POMT1: variants seen among roughly 807,000 people sequenced by gnomAD.
POMT1 encodes the protein protein O-mannosyltransferase 1.
Under a neutral mutation model 101.6 loss-of-function variants are expected in POMT1, and 85 were observed. The ratio of observed to expected loss-of-function variants is 0.84; its 90% CI spans 0.70 to 1.00. The LOEUF (loss-of-function observed/expected upper bound fraction) is 1.00, where lower values mean the gene tolerates loss of function less well. Among genes scored for constraint, POMT1 ranks in the 50% least tolerant of loss-of-function variants. POMT1 has a pLI of 0.00. For synonymous variants in POMT1, 371 were observed against 383.0 expected (o/e 0.97, Z 0.37); for missense variants, 857 against 930.4 (o/e 0.92, Z 1.03).
At position 131,504,076 on chromosome 9, in the gene POMT1, CAGCCCGGCTG is replaced by C. The variant is rs1287195416; in HGVS notation, c.-30-112_-30-103del. 77 of 1,299,278 alleles carry C rather than the reference CAGCCCGGCTG, an allele frequency of 5.9e-5. No homozygotes were observed. In the East Asian group the frequency reaches 1.8e-3, roughly 30 times the overall value. 80.5% of individuals were successfully genotyped at this position (1,299,278 alleles called of 1,614,324 possible). On this transcript the variant is annotated intron_variant, in intron 1 of 19. Transcript: ENST00000402686. Reference sequence around the variant, plus strand: ...CTCCAGGAACTTCGGTCTTTCTCAGCAGCCCGGCTGTGCTGTGGTTCTCCTCGTGTGTCCG... The same window carrying C: ...CTCCAGGAACTTCGGTCTTTCTCAGCTGCTGTGGTTCTCCTCGTGTGTCCG...
chr9:131,513,485 A>G (rs1466759197), intron 12 of POMT1, among the ~76,000 whole-genome samples, 154 bp downstream of exon 12: 1 of 152,134 alleles, frequency 6.6e-6, no homozygotes, highest in Admixed American at 6.5e-5. Context: ...TGATGCCGGG[A>G]GGGGACCCAG....
At position 131,522,826 on chromosome 9, in the gene POMT1, C is replaced by T. The variant is rs1950222103; in HGVS notation, c.2004-106C>T. The T allele has an allele frequency of 8.1e-7, 1 of 1,232,042 alleles. No homozygotes were observed. The highest frequency in any genetic ancestry group is 1.5e-5 in the African/African-American group (1 of 66,600). 76.3% of individuals were successfully genotyped at this position (1,232,042 alleles called of 1,614,324 possible). A position where few individuals can be genotyped will look rare whatever the true frequency, so the allele number is the denominator to read the frequency against. ...GACACAGAAACCTGAAGGCAGAACC[C>T]CAGGCCTCGGGGGGTGACCGTGTGG... On this transcript the variant is annotated intron_variant, in intron 19 of 19. Transcript: ENST00000402686. The surrounding 1 kb of genome is among the most constrained non-coding windows in gnomAD (Gnocchi z 5.5).
At chr9:131,504,480 C>A in intron 2 of POMT1, 140 bp downstream of exon 2, 1 of 1,268,606 alleles carries the variant, frequency 7.9e-7, no homozygotes, top group Non-Finnish European at 1.1e-6. Flanking sequence ...GAGGAGAGAC[C>A]AGTCTGTCCC....
chr9:131,504,747 A>ATATGTGTGTGTGTGTGTGTG (rs56692415), intron 2 of POMT1, among the ~76,000 whole-genome samples: 3 of 122,774 alleles, frequency 2.4e-5, no homozygotes, highest in East Asian at 2.3e-4. Context: ...TAACTGATTA[A>ATATGTGTGTGTGTGTGTGTG]TGTGTGTATG....
Position 131,516,293 on chromosome 9 carries a change from G to A in POMT1, c.1272+771G>A, listed in dbSNP as rs188976699. Among the ~76,000 whole-genome samples the A allele has an allele frequency of 1.9e-3, 272 of 141,112 alleles. 1 individual carries two copies. The highest frequency in any genetic ancestry group is 2.9e-3 in the Non-Finnish European group (191 of 65,870). 92.6% of individuals were successfully genotyped at this position (141,112 alleles called of 152,430 possible). On this transcript the variant is annotated intron_variant, in intron 13 of 19. Coordinates refer to ENST00000402686, the MANE Select transcript of POMT1 (RefSeq NM_001077365.2). Reference sequence around the variant, plus strand: ...CCTCACACGGAACACCTCCTCACACGGAACACTTCCTCACACGGAGCACTT... The same window carrying A: ...CCTCACACGGAACACCTCCTCACACAGAACACTTCCTCACACGGAGCACTT...
intron 12 of POMT1, 109 bp from the exon 13 acceptor site, chr9:131,515,317 T>C: frequency 8.9e-7 from 1 of 1,128,358 alleles, no homozygotes; most frequent in Non-Finnish European, 1.4e-6. Flanking sequence ...CCCTTATGGC[T>C]GAGCCGGCTT....
chr9:131,506,410 A>G lies in POMT1; in HGVS notation c.237A>G (p.Leu79=), dbSNP rs1366010160. 1 of 1,612,986 alleles carries G rather than the reference A, an allele frequency of 6.2e-7. No individual in the cohort carries two copies. Among genetic ancestry groups the G allele is most frequent in the Admixed American group, 1.7e-5 (1 of 60,032 alleles). ...GHMVLALGGY[L]GGFDGNFLWN... is the part of the protein sequence containing the mutation. ...ATTAATCTTCTGTTTCAGGTTATTT[A>G]GGAGGATTCGATGGCAATTTTTTGT... The change falls in exon 4 of 20, where the codon TTA becomes TTG. Residue 79 remains leucine (L), a synonymous_variant. Coordinates refer to ENST00000402686, the MANE Select transcript of POMT1 (RefSeq NM_001077365.2).
intron 4 of POMT1, chr9:131,506,736 T>C (rs1411539534): frequency 2.0e-5 from 9 of 451,940 alleles, no homozygotes; most frequent in Non-Finnish European, 3.6e-5. Context: ...TGATCGGTTG[T>C]ACATGTGAAT....
Position 131,522,271 on chromosome 9 carries a change from G to A in POMT1, c.2003+47G>A. 1 of 1,607,616 alleles carries A rather than the reference G, an allele frequency of 6.2e-7. No individual in the cohort carries two copies. Among genetic ancestry groups the A allele is most frequent in the East Asian group, 2.2e-5 (1 of 44,842 alleles). ...TGGCTGGACCGGGCAGCAGCCCTCTGCTGGGAAGCCCATGCGCAGCAAACA... is the reference window on the plus strand; with the variant it reads ...TGGCTGGACCGGGCAGCAGCCCTCTACTGGGAAGCCCATGCGCAGCAAACA... On this transcript the variant is annotated intron_variant, in intron 19 of 19. Transcript: ENST00000402686. This position sits in a 1 kb window ranked among gnomAD's most constrained non-coding sequence, Gnocchi z 5.5.
At position 131,522,398 on chromosome 9, in the gene POMT1, T is replaced by C; in HGVS notation, c.2003+174T>C. 2 of 1,320,568 alleles carry C rather than the reference T, an allele frequency of 1.5e-6. No individual in the cohort carries two copies. Among genetic ancestry groups the C allele is most frequent in the Non-Finnish European group, 2.0e-6 (2 of 981,836 alleles). 81.8% of individuals were successfully genotyped at this position (1,320,568 alleles called of 1,614,324 possible). The stretch of plus-strand genomic sequence containing the variant: ...CAGAAGAGATGCCCAGATGAGGCAC[T>C]GCAGGAACCCAGAGGGAGAAGTCGC... On this transcript the variant is annotated intron_variant, in intron 19 of 19. Coordinates refer to ENST00000402686, the MANE Select transcript of POMT1 (RefSeq NM_001077365.2). This position sits in a 1 kb window ranked among gnomAD's most constrained non-coding sequence, Gnocchi z 5.5.
chr9:131,511,012 GGCTC>G, intron 9 of POMT1: 1 of 277,898 alleles, frequency 3.6e-6, no homozygotes, highest in South Asian at 5.2e-5. Flanking sequence ...CAAGTTGTTT[GGCTC>G]ACCCTAGTCT....
chr9:131,518,637 T>A, intron 14 of POMT1, 100 bp downstream of exon 14: 1 of 1,395,322 alleles, frequency 7.2e-7, no homozygotes, highest in Non-Finnish European at 1.0e-6. Context: ...GCGGAACGCT[T>A]CATTTGAGTC....
Position 131,521,035 on chromosome 9 carries a change from G to A in POMT1, c.1699-311G>A, listed in dbSNP as rs1031922275. On this transcript the variant is annotated intron_variant, in intron 17 of 19. Coordinates refer to ENST00000402686, the MANE Select transcript of POMT1 (RefSeq NM_001077365.2). ...TTTTGTACTTTTTAATAGAGACGGG[G>A]TTTCGCCACGTTGGGCAGGCTGGTC... The A allele has an allele frequency of 1.4e-4, 54 of 396,490 alleles. 1 individual carries two copies. The Admixed American group carries it at 1.9e-3, about 14-fold the overall frequency. 24.6% of individuals were successfully genotyped at this position (396,490 alleles called of 1,614,324 possible). A position where few individuals can be genotyped will look rare whatever the true frequency, so the allele number is the denominator to read the frequency against.
intron 1 of POMT1, 38 bp from the exon 2 acceptor site, chr9:131,504,151 G>A: frequency 1.2e-6 from 2 of 1,612,690 alleles, no homozygotes; most frequent in Non-Finnish European, 1.7e-6. Context: ...AGCCTCTCGT[G>A]AGCCCTCATG....
chr9:131,522,987 G>C lies in POMT1; in HGVS notation c.2059G>C (p.Ala687Pro). ...CCTGGTGGTGGCCTGGTACTCCTCC[G>C]CGTGCCACGTGTCCAACACGCTGCG... is the stretch of plus-strand genomic sequence containing the variant. ...SALVVAWYSS[A>P]CHVSNTLRPL... is the part of the protein sequence containing the mutation. The change falls in exon 20 of 20, where the codon GCG (alanine) becomes CCG (proline). Residue 687 changes from alanine (A) to proline (P), a missense_variant. Transcript: ENST00000402686. This position sits in a 1 kb window ranked among gnomAD's most constrained non-coding sequence, Gnocchi z 5.5. 1.2e-6 allele frequency: 2 copies of C among 1,606,136 alleles called. No individual in the cohort carries two copies. The highest frequency in any genetic ancestry group is 1.7e-6 in the Non-Finnish European group (2 of 1,177,990).
At chr9:131,511,643 C>G (rs1435867926) in intron 10 of POMT1, 176 bp downstream of exon 10, 1 of 857,114 alleles carries the variant, frequency 1.2e-6, no homozygotes, top group African/African-American at 1.7e-5. Context: ...GCTGGAGGGA[C>G]TTGGCGTGTG....
At chr9:131,508,836 T>C (rs1245121929) in intron 5 of POMT1, 75 bp from the exon 6 acceptor site, 1 of 1,073,162 alleles carries the variant, frequency 9.3e-7, no homozygotes, top group East Asian at 2.4e-5. Context: ...AATGCCTTTT[T>C]TCATGAGTGT....
rs758017896 is a variant in POMT1 at position 131,523,104 on chromosome 9, T to C, written c.2176T>C (p.Ter726GlnextTer24). ...DSWDILIRKH[*>Q] ...CTGGGACATCTTGATCCGAAAACAC[T>C]AGAACAAGAGTGTGGCAAAGAACAC... The change falls in exon 20 of 20, where the codon TAG becomes CAG. Residue 726 changes from the stop codon to glutamine, a stop_lost. Transcript: ENST00000402686. 1 of 1,610,478 alleles carries C rather than the reference T, an allele frequency of 6.2e-7. No individual in the cohort carries two copies. Among genetic ancestry groups the C allele is most frequent in the South Asian group, 1.1e-5 (1 of 90,770 alleles).
chr9:131,510,063 G>T lies in POMT1; in HGVS notation c.699+67G>T, dbSNP rs776061161. 1.9e-6 allele frequency: 3 copies of T among 1,614,102 alleles called. No individual in the cohort carries two copies. Among genetic ancestry groups the T allele is most frequent in the Admixed American group, 3.3e-5 (2 of 60,006 alleles). On this transcript the variant is annotated intron_variant, in intron 8 of 19. Coordinates refer to ENST00000402686, the MANE Select transcript of POMT1 (RefSeq NM_001077365.2). ...GGGGCAGATGCAGATGTCACAGGGG[G>T]TACTTGGTGAAAAGACTCCAATCCT...
Sources: allele counts gnomAD v4.1 joint callset (sites outside exome capture counted in the v4.1 genomes callset), GRCh38; gene constraint gnomAD v4.1.1; non-coding constraint Gnocchi (gnomAD v3.1); transcripts MANE v1.5; gene names NCBI Gene and HGNC (gene_info 2026-07-23, HGNC 2026-07-21).